TNIK: variants seen among roughly 807,000 people sequenced by gnomAD.
TNIK encodes TRAF2 and NCK interacting kinase, also known as TRAF2 and NCK-interacting protein kinase.
A neutral mutation model predicts 191.3 loss-of-function variants in TNIK; 49 were observed. The ratio of observed to expected loss-of-function variants is 0.26; its 90% confidence interval spans 0.20 to 0.32. The LOEUF is 0.32. Among genes scored for constraint, TNIK ranks in the 10% least tolerant of loss-of-function variants. The pLI, the probability that TNIK is intolerant of heterozygous loss-of-function variation, is 1.00. For missense variants in TNIK, 1,155 were observed against 1,702.3 expected, an observed-to-expected ratio of 0.68 and a Z score of 5.66; for synonymous variants, 594 against 600.9, an observed-to-expected ratio of 0.99 and a Z score of 0.17.
chr3:171,102,119 C>T (rs1723673889), intron 21 of TNIK: 1 of 152,376 alleles, frequency 6.6e-6, no homozygotes, highest in Non-Finnish European at 1.5e-5. Flanking sequence ...TCCCAAGGTT[C>T]CAGCTACTAC....
chr3:171,298,200 C>T (rs1014949318), intron 2 of TNIK, among the ~76,000 whole-genome samples: 50 of 152,308 alleles, frequency 3.3e-4, no homozygotes, highest in African/African-American at 1.2e-3. Context: ...CATGGAGCAA[C>T]TGTAGTTTCT....
At chr3:171,454,515 C>G (rs1281995567) in intron 1 of TNIK, among the ~76,000 whole-genome samples, 1 of 152,144 alleles carries the variant, frequency 6.6e-6, no homozygotes, top group Non-Finnish European at 1.5e-5. Context: ...CTTACACTGG[C>G]TTTTGTACTA....
chr3:171,067,122 A>G (rs1208539521), intron 30 of TNIK, among the ~76,000 whole-genome samples: 1 of 152,184 alleles, frequency 6.6e-6, no homozygotes, highest in Non-Finnish European at 1.5e-5. Flanking sequence ...ATTTGTTGGT[A>G]GAGTTGGGAT....
chr3:171,189,994 T>C (rs1406981460), intron 6 of TNIK, among the ~76,000 whole-genome samples: 1 of 152,242 alleles, frequency 6.6e-6, no homozygotes, highest in Admixed American at 6.5e-5. Context: ...TTTGAAAATA[T>C]ACAATCATAT....
intron 2 of TNIK, among the ~76,000 whole-genome samples, chr3:171,304,975 T>C (rs1753270581): frequency 6.7e-6 from 1 of 150,170 alleles, no homozygotes; most frequent in South Asian, 2.1e-4. Flanking sequence ...AACCTGCACG[T>C]TGTGTACATG....
In TNIK at chr3:171,190,778, G is replaced by T. The variant is rs1395009754; in HGVS notation, c.427C>A (p.His143Asn). The T allele has an allele frequency of 3.1e-6, 5 of 1,591,556 alleles. No individual in the cohort carries two copies. Among genetic ancestry groups the T allele is most frequent in the Non-Finnish European group, 3.4e-6 (4 of 1,167,708 alleles). The change falls in exon 6 of 33, where the codon CAC (histidine) becomes AAC (asparagine). Residue 143 changes from histidine to asparagine, a missense_variant. Transcript: ENST00000436636. Reference sequence around the variant, plus strand: ...TGAATCACTTTATGCTGGTGCAGGTGACTCAGCCCCTGGAGTGATGGAGAG... The same window carrying T: ...TGAATCACTTTATGCTGGTGCAGGTTACTCAGCCCCTGGAGTGATGGAGAG... The part of the protein sequence containing the change: ...ICREILRGLS[H>N]LHQHKVIHRD...
intron 29 of TNIK, among the ~76,000 whole-genome samples, chr3:171,069,375 C>G (rs1300915319): frequency 6.6e-6 from 1 of 152,204 alleles, no homozygotes; most frequent in African/African-American, 2.4e-5. Flanking sequence ...ATGTGGCAAC[C>G]AGGCCCATCC....
intron 7 of TNIK, among the ~76,000 whole-genome samples, chr3:171,187,102 T>C (rs1737459791): frequency 6.6e-6 from 1 of 152,222 alleles, no homozygotes; most frequent in African/African-American, 2.4e-5. Flanking sequence ...CATGCTATGT[T>C]ACATAGTAAT....
intron 3 of TNIK, chr3:171,225,443 A>G: frequency 2.7e-6 from 1 of 367,208 alleles, no homozygotes; most frequent in Non-Finnish European, 5.3e-6. Context: ...CCTCCTCAAT[A>G]GGAGTTCCCC....
chr3:171,139,543 C>T lies in TNIK; in HGVS notation c.1346G>A (p.Arg449Gln), dbSNP rs755766622. The T allele has an allele frequency of 3.1e-6, 5 of 1,613,680 alleles. No individual in the cohort carries two copies. Among genetic ancestry groups the T allele is most frequent in the South Asian group, 2.2e-5 (2 of 91,050 alleles). Reference protein sequence around the residue: ...RAEHEQEYIRRQLEEEQRQLE... With the variant: ...RAEHEQEYIRQQLEEEQRQLE... ...CTGTCTCTGCTCCTCCTCTAACTGT[C>T]GCCTGATGTATTCCTGGAGAGGTAG... is the stretch of plus-strand genomic sequence containing the variant. Residue 449 changes from arginine to glutamine, a missense_variant, in exon 14 of 33, where the codon CGA becomes CAA. Arg to Gln is a conservative substitution (Grantham distance 43). Transcript: ENST00000436636.
At chr3:171,226,884 G>T (rs1218583436) in intron 3 of TNIK, among the ~76,000 whole-genome samples, 1 of 152,126 alleles carries the variant, frequency 6.6e-6, no homozygotes, top group Non-Finnish European at 1.5e-5. Context: ...GTAACAAAGT[G>T]AGCCCAAAAG....
At chr3:171,225,680 CT>C (rs1297169770) in intron 3 of TNIK, 5 of 453,524 alleles carry the variant, frequency 1.1e-5, no homozygotes, top group South Asian at 7.8e-5. Context: ...AACTGTGTAA[CT>C]TTTAATTCCA....
chr3:171,298,498 A>G (rs548023982), intron 2 of TNIK, among the ~76,000 whole-genome samples: 8 of 152,294 alleles, frequency 5.3e-5, no homozygotes, highest in African/African-American at 1.4e-4. Context: ...TATAGTTCTG[A>G]CCAGTAACTT....
chr3:171,146,760 C>T (rs769757311), intron 12 of TNIK, among the ~76,000 whole-genome samples: 35 of 151,856 alleles, frequency 2.3e-4, no homozygotes, highest in Non-Finnish European at 4.1e-4. Flanking sequence ...TGTGATGGTG[C>T]GTGCCTCTAA....
intron 1 of TNIK, among the ~76,000 whole-genome samples, chr3:171,409,343 G>T (rs933699706): frequency 6.6e-6 from 1 of 152,002 alleles, no homozygotes; most frequent in South Asian, 2.1e-4. Context: ...CAAAGTGTCC[G>T]GCACATGGAA....
intron 2 of TNIK, among the ~76,000 whole-genome samples, chr3:171,255,019 A>G (rs1282928130): frequency 6.6e-6 from 1 of 152,306 alleles, no homozygotes; most frequent in South Asian, 2.1e-4. Flanking sequence ...ATTTTGAGAA[A>G]GCCATTTTTA....
chr3:171,415,973 C>CAAAAAAAAAAAAAAAA (rs769531813), intron 1 of TNIK, among the ~76,000 whole-genome samples: 2 of 12,554 alleles, frequency 1.6e-4, no homozygotes, highest in Non-Finnish European at 1.3e-4. Context: ...GAGACTGTCT[C>CAAAAAAAAAAAAAAAA]AAAAAAAAAA....
intron 2 of TNIK, among the ~76,000 whole-genome samples, chr3:171,279,568 A>G (rs573176424): frequency 2.8e-4 from 42 of 152,204 alleles, no homozygotes; most frequent in Admixed American, 2.7e-3. Flanking sequence ...ATTGGCATCC[A>G]TTTCCAATAC....
chr3:171,137,794 C>A (rs986100047), intron 15 of TNIK, among the ~76,000 whole-genome samples: 1 of 152,120 alleles, frequency 6.6e-6, no homozygotes, highest in African/African-American at 2.4e-5. Context: ...AGGGTCCAGG[C>A]ATGGACAGGA....
Sources: gnomAD v4.1 joint callset for allele counts (sites outside exome capture counted in the v4.1 genomes callset) on GRCh38, gnomAD v4.1.1 for gene constraint, MANE v1.5 for transcripts, NCBI Gene and HGNC (gene_info 2026-07-23, HGNC 2026-07-21) for gene names.